Variants in LRRC49 observed in about 807,000 individuals in gnomAD.
LRRC49 encodes leucine rich repeat containing 49, also known as leucine-rich repeat-containing protein 49.
Under a neutral mutation model 83.3 loss-of-function variants are expected in LRRC49, and 50 were observed. The ratio of observed to expected loss-of-function variants is 0.60; its 90% CI spans 0.48 to 0.76. The LOEUF is 0.76. Ranked by LOEUF, LRRC49 falls within the 30% of genes least tolerant of loss-of-function variation. LRRC49 has a pLI of 0.00. For missense variants in LRRC49, 704 were observed against 809.1 expected (o/e 0.87, Z 1.58); for synonymous variants, 286 against 283.3 (o/e 1.01, Z -0.10).
intron 15 of LRRC49, among the ~76,000 whole-genome samples, chr15:71,042,845 C>G (rs1454082901): frequency 6.6e-6 from 1 of 152,232 alleles, no homozygotes; most frequent in East Asian, 1.9e-4. Context: ...ATGAGGAAAA[C>G]TGGAAACTCA....
chr15:70,945,839 T>G (rs561967408), intron 8 of LRRC49, among the ~76,000 whole-genome samples: 5 of 152,276 alleles, frequency 3.3e-5, no homozygotes, highest in African/African-American at 1.2e-4. Context: ...TTATCCTGGA[T>G]GCACAGGAAG....
intron 1 of LRRC49, among the ~76,000 whole-genome samples, chr15:70,857,508 A>T (rs1339411694): frequency 6.6e-6 from 1 of 152,172 alleles, no homozygotes; most frequent in Non-Finnish European, 1.5e-5. Flanking sequence ...AAAGGAAAAA[A>T]AAAGGGGTCT....
intron 11 of LRRC49, among the ~76,000 whole-genome samples, chr15:71,001,971 G>T (rs904128125): frequency 6.6e-6 from 1 of 152,150 alleles, no homozygotes; most frequent in Non-Finnish European, 1.5e-5. Flanking sequence ...GATTACAGGC[G>T]TGAGCCACCG....
At chr15:70,900,759 AC>A (rs2034038202) in intron 3 of LRRC49, among the ~76,000 whole-genome samples, 162 bp from the exon 4 acceptor site, 1 of 152,210 alleles carries the variant, frequency 6.6e-6, no homozygotes, top group African/African-American at 2.4e-5. Flanking sequence ...AAGGAAAGAA[AC>A]AAATTCAGCT....
intron 14 of LRRC49, among the ~76,000 whole-genome samples, chr15:71,015,952 T>G (rs1294691663): frequency 6.6e-6 from 1 of 152,214 alleles, no homozygotes; most frequent in African/African-American, 2.4e-5. Flanking sequence ...TAATTGGATG[T>G]TCTTATATGA....
At chr15:71,031,681 T>A (rs1409516689) in intron 14 of LRRC49, among the ~76,000 whole-genome samples, 1 of 152,202 alleles carries the variant, frequency 6.6e-6, no homozygotes, top group Admixed American at 6.5e-5. Context: ...TGAATGGGGC[T>A]GTTACCTTTC....
chr15:70,901,002 TCAGA>T lies in LRRC49; in HGVS notation c.278_281del (p.Asp93GlyfsTer2), dbSNP rs1376101161. 2 of 1,609,050 alleles carry T rather than the reference TCAGA, an allele frequency of 1.2e-6. No homozygotes were observed. The highest frequency in any genetic ancestry group is 1.3e-5 in the African/African-American group (1 of 74,820). Reference sequence around the variant, plus strand: ...TTCTTCTGAAGAGAAAATTCTTTACTCAGACAGGTTGAGCCTAGAAAGGTGAGGA... The same window carrying T: ...TTCTTCTGAAGAGAAAATTCTTTACTCAGGTTGAGCCTAGAAAGGTGAGGA... On this transcript the variant is annotated frameshift_variant, in exon 4 of 16. Coordinates refer to ENST00000260382, the MANE Select transcript of LRRC49 (RefSeq NM_017691.5). LOFTEE classifies it high-confidence loss of function.
chr15:71,026,489 C>T (rs1401276256), intron 14 of LRRC49, among the ~76,000 whole-genome samples: 1 of 152,132 alleles, frequency 6.6e-6, no homozygotes, highest in Non-Finnish European at 1.5e-5. Flanking sequence ...GAGGAATCAC[C>T]ACACAGTCTT....
At chr15:70,945,519 CTGTGTGTGTGTGTG>C (rs749607668) in intron 8 of LRRC49, among the ~76,000 whole-genome samples, 38 of 135,882 alleles carry the variant, frequency 2.8e-4, no homozygotes, top group East Asian at 6.6e-4. Flanking sequence ...ATTTAACAAC[CTGTGTGTGTGTGTG>C]TGTGTGTGTG....
At chr15:70,941,948 A>G (rs2035833718) in intron 8 of LRRC49, among the ~76,000 whole-genome samples, 1 of 152,056 alleles carries the variant, frequency 6.6e-6, no homozygotes, top group Non-Finnish European at 1.5e-5. Context: ...CAACTTATAA[A>G]TATATATATG....
At chr15:70,924,920 TCA>T (rs2035141481) in intron 7 of LRRC49, among the ~76,000 whole-genome samples, 1 of 152,052 alleles carries the variant, frequency 6.6e-6, no homozygotes, top group Non-Finnish European at 1.5e-5. Context: ...ATGTCTACTA[TCA>T]TTTGTGTGTG....
intron 14 of LRRC49, among the ~76,000 whole-genome samples, chr15:71,021,040 G>A (rs1323184755): frequency 6.6e-6 from 1 of 151,990 alleles, no homozygotes; most frequent in East Asian, 1.9e-4. Context: ...GATAGCTGAT[G>A]AGCTAGAAAA....
chr15:70,853,958 C>G (rs988219439), intron 1 of LRRC49: 1 of 1,455,050 alleles, frequency 6.9e-7, no homozygotes, highest in Non-Finnish European at 9.1e-7. Context: ...GGCCGGGTCC[C>G]CGGCGCCCCG....
chr15:70,971,394 G>A (rs909920466), intron 9 of LRRC49, among the ~76,000 whole-genome samples: 9 of 152,050 alleles, frequency 5.9e-5, no homozygotes, highest in South Asian at 2.1e-4. Flanking sequence ...CCAATTATGC[G>A]GTTGATTTTA....
In LRRC49 at chr15:70,911,589, T is replaced by C. The variant is rs1347054958; in HGVS notation, c.558T>C (p.His186=). The change falls in exon 6 of 16, where the codon CAT becomes CAC. Residue 186 remains histidine (H), a synonymous_variant. Coordinates refer to ENST00000260382, the MANE Select transcript of LRRC49 (RefSeq NM_017691.5). ...AAAGCTTAGATGTCTTGGATCTTCA[T>C]GGAAATCAGGTATTGTAAAGCCCTT... ...NLKSLDVLDL[H]GNQITKIENI... is the part of the protein sequence containing the mutation. 6 of 1,571,812 alleles carry C rather than the reference T, an allele frequency of 3.8e-6. No individual in the cohort carries two copies. The East Asian group carries it at 9.3e-5, about 24-fold the overall frequency.
intron 7 of LRRC49, among the ~76,000 whole-genome samples, chr15:70,922,771 C>T (rs1322186478): frequency 1.3e-5 from 2 of 151,942 alleles, no homozygotes; most frequent in Non-Finnish European, 2.9e-5. Flanking sequence ...CAAAACAGCT[C>T]ATGTACCCCA....
chr15:70,867,308 TGAA>T (rs966191525), intron 1 of LRRC49, among the ~76,000 whole-genome samples: 1 of 152,162 alleles, frequency 6.6e-6, no homozygotes, highest in African/African-American at 2.4e-5. Context: ...GAACTTCCTG[TGAA>T]GAAGTTTTGA....
chr15:70,966,091 T>TG (rs2141202178), intron 9 of LRRC49, among the ~76,000 whole-genome samples: 1 of 152,264 alleles, frequency 6.6e-6, no homozygotes, highest in African/African-American at 2.4e-5. Flanking sequence ...CCCAAAATAT[T>TG]TATTATCTGG....
At chr15:71,030,844 C>T (rs1012435377) in intron 14 of LRRC49, among the ~76,000 whole-genome samples, 2 of 151,834 alleles carry the variant, frequency 1.3e-5, no homozygotes, top group Non-Finnish European at 2.9e-5. Flanking sequence ...ATGAAGTTCT[C>T]GTGCTGTGTT....
Sources: gnomAD v4.1 joint callset for allele counts (sites outside exome capture counted in the v4.1 genomes callset) on GRCh38, gnomAD v4.1.1 for gene constraint, MANE v1.5 for transcripts, NCBI Gene and HGNC (gene_info 2026-07-23, HGNC 2026-07-21) for gene names.